Variants in GATAD2B observed in about 807,000 individuals in gnomAD.
GATAD2B encodes the protein GATA zinc finger domain containing 2B.
Under a neutral mutation model 64.3 loss-of-function variants are expected in GATAD2B, and 8 were observed. The ratio of observed to expected loss-of-function variants is 0.12; its 90% confidence interval spans 0.07 to 0.22. The LOEUF is 0.22. Among genes scored for constraint, GATAD2B ranks in the 10% least tolerant of loss-of-function variants. The pLI is 1.00. For missense variants in GATAD2B, 453 were observed against 752.0 expected (o/e 0.60, Z 4.65); for synonymous variants, 281 against 271.3 (o/e 1.04, Z -0.35).
At chr1:153,901,533 TAA>T (rs1677770458) in intron 1 of GATAD2B, among the ~76,000 whole-genome samples, 1 of 152,060 alleles carries the variant, frequency 6.6e-6, no homozygotes, top group Non-Finnish European at 1.5e-5. Context: ...TTTCTTTGGT[TAA>T]AATGTCCAAC....
intron 1 of GATAD2B, among the ~76,000 whole-genome samples, chr1:153,862,786 G>A (rs1676355311): frequency 6.8e-6 from 1 of 147,384 alleles, no homozygotes; most frequent in African/African-American, 2.5e-5. Flanking sequence ...GTGCAATGGT[G>A]CAATCTCAGC....
chr1:153,828,457 C>CACAT (rs1674961089), intron 1 of GATAD2B, 109 bp from the exon 2 acceptor site: 2 of 100,838 alleles, frequency 2.0e-5, no homozygotes, highest in Middle Eastern at 2.9e-3. Flanking sequence ...CTCACACATA[C>CACAT]ACACACACAC....
chr1:153,878,936 C>T (rs1380846641), intron 1 of GATAD2B, among the ~76,000 whole-genome samples: 2 of 151,546 alleles, frequency 1.3e-5, no homozygotes. Flanking sequence ...CACCACCATG[C>T]CTGGCTAATT....
chr1:153,899,364 C>T (rs1267294877), intron 1 of GATAD2B, among the ~76,000 whole-genome samples: 2 of 152,052 alleles, frequency 1.3e-5, no homozygotes, highest in Admixed American at 1.3e-4. Flanking sequence ...AGGTCAGGAG[C>T]TCGAGACCAG....
At chr1:153,913,317 C>T (rs905358167) in intron 1 of GATAD2B, among the ~76,000 whole-genome samples, 6 of 152,116 alleles carry the variant, frequency 3.9e-5, no homozygotes, top group Non-Finnish European at 8.8e-5. Context: ...AGGTATTGTT[C>T]CTTTTCTCCT....
intron 1 of GATAD2B, among the ~76,000 whole-genome samples, chr1:153,859,951 T>C (rs1676224451): frequency 7.1e-6 from 1 of 140,780 alleles, no homozygotes; most frequent in Non-Finnish European, 1.5e-5. Flanking sequence ...AGAGCCTTGC[T>C]CTGTTGCCCA....
At chr1:153,844,405 C>T (rs1243322712) in intron 1 of GATAD2B, among the ~76,000 whole-genome samples, 4 of 144,580 alleles carry the variant, frequency 2.8e-5, no homozygotes, top group African/African-American at 1.0e-4. Flanking sequence ...AGTTTAAGTA[C>T]TGGCCTAACA....
rs1674207162 is a variant in GATAD2B, at chr1:153,809,235, G to GA, written c.*941dup. ...TTTAAAAGCAGGGTGGGGTGAGGGA[G>GA]AATTTTACAAAGAATACAAGATGAA... On this transcript the variant is annotated 3_prime_UTR_variant, in exon 11 of 11. Transcript: ENST00000368655. The GA allele has an allele frequency of 6.6e-6, 1 of 152,164 alleles. No homozygotes were observed. Among genetic ancestry groups the GA allele is most frequent in the African/African-American group, 2.4e-5 (1 of 41,426 alleles). The allele number at this position is 152,164 out of a possible 1,614,324, so 9.4% of individuals were successfully genotyped here.
intron 1 of GATAD2B, among the ~76,000 whole-genome samples, chr1:153,835,792 G>A (rs551816027): frequency 1.3e-4 from 19 of 151,850 alleles, no homozygotes; most frequent in Non-Finnish European, 2.1e-4. Context: ...GCGTGATCTC[G>A]GTTCATTACA....
intron 1 of GATAD2B, among the ~76,000 whole-genome samples, chr1:153,855,837 C>T (rs960755739): frequency 6.6e-6 from 1 of 152,092 alleles, no homozygotes; most frequent in African/African-American, 2.4e-5. Context: ...TGCGCATCAC[C>T]ACGCCCAGCT....
intron 1 of GATAD2B, among the ~76,000 whole-genome samples, chr1:153,900,139 C>A (rs12022730): frequency 0.27 from 41,045 of 151,872 alleles, 6,101 homozygotes; most frequent in Admixed American, 0.38. Context: ...TTTTACTGGG[C>A]GCAGTGAGTG....
At chr1:153,849,831 C>A (rs939455230) in intron 1 of GATAD2B, among the ~76,000 whole-genome samples, 4 of 152,096 alleles carry the variant, frequency 2.6e-5, no homozygotes, top group African/African-American at 9.7e-5. Context: ...TAGGTCTCAC[C>A]ATGTTGGCCA....
chr1:153,881,103 T>C (rs566442205), intron 1 of GATAD2B, among the ~76,000 whole-genome samples: 2 of 152,224 alleles, frequency 1.3e-5, no homozygotes, highest in East Asian at 1.9e-4. Flanking sequence ...TGGCCTGTGA[T>C]TTCCTAGACT....
At chr1:153,827,276 C>A (rs1570937298) in intron 2 of GATAD2B, among the ~76,000 whole-genome samples, 1 of 147,974 alleles carries the variant, frequency 6.8e-6, no homozygotes. Flanking sequence ...CAAAAAAACT[C>A]ATAAAAAACA....
rs1477091294 is a variant in GATAD2B at position 153,886,217 on chromosome 1, GA to G, written c.-2+36515del. Among the ~76,000 whole-genome samples the G allele has an allele frequency of 2.0e-5, 3 of 152,182 alleles. No homozygotes were observed. In the East Asian group the frequency reaches 5.8e-4, roughly 29 times the overall value. Reference sequence around the variant, plus strand: ...TTGCTTAACAACAGGGATACATTCTGAAAAATACATGATTAGGTGATTTCAC... The same window carrying G: ...TTGCTTAACAACAGGGATACATTCTGAAAATACATGATTAGGTGATTTCAC... On this transcript the variant is annotated intron_variant, in intron 1 of 10. Transcript: ENST00000368655.
chr1:153,920,424 A>G (rs1678395288), intron 1 of GATAD2B, among the ~76,000 whole-genome samples: 1 of 152,214 alleles, frequency 6.6e-6, no homozygotes, highest in African/African-American at 2.4e-5. Context: ...AATTCCTCAC[A>G]CTTCCCTCTG....
intron 1 of GATAD2B, among the ~76,000 whole-genome samples, chr1:153,867,631 G>A (rs902920303): frequency 1.3e-5 from 2 of 151,978 alleles, no homozygotes; most frequent in Admixed American, 6.6e-5. Flanking sequence ...AGGCTGAGGC[G>A]GGTGGATCAC....
At chr1:153,857,949 A>C (rs1456678661) in intron 1 of GATAD2B, among the ~76,000 whole-genome samples, 1 of 152,208 alleles carries the variant, frequency 6.6e-6, no homozygotes, top group Non-Finnish European at 1.5e-5. Context: ...GCACCTACCT[A>C]GTATTGTAAG....
chr1:153,914,574 G>C (rs1301053220), intron 1 of GATAD2B: 1 of 152,158 alleles, frequency 6.6e-6, no homozygotes, highest in Non-Finnish European at 1.5e-5. Context: ...TATTTATTCA[G>C]CAAATATTTT....
Sources: gnomAD v4.1 joint callset for allele counts (sites outside exome capture counted in the v4.1 genomes callset) on GRCh38, gnomAD v4.1.1 for gene constraint, MANE v1.5 for transcripts, NCBI Gene and HGNC (gene_info 2026-07-23, HGNC 2026-07-21) for gene names.